Variants in CD33 observed in about 807,000 individuals in gnomAD.
The protein encoded by CD33 is CD33 molecule.
A neutral mutation model predicts 31.4 loss-of-function variants in CD33; 25 were observed. The observed-to-expected ratio is 0.80, with a 90% CI of 0.58 to 1.11. The LOEUF (loss-of-function observed/expected upper bound fraction) is 1.11. Among genes scored for constraint, CD33 ranks in the 50% most tolerant of loss-of-function variants. The probability of loss-of-function intolerance (pLI) is 0.00; values close to 1 mark genes in which losing one functional copy is unlikely to be tolerated. For missense variants in CD33, 407 were observed against 448.1 expected, an observed-to-expected ratio of 0.91 and a Z score of 0.83; for synonymous variants, 176 against 180.6, an observed-to-expected ratio of 0.97 and a Z score of 0.20.
chr19:51,230,575 T>C (rs911102652), intron 4 of CD33, among the ~76,000 whole-genome samples: 2 of 152,178 alleles, frequency 1.3e-5, no homozygotes, highest in Non-Finnish European at 2.9e-5. Context: ...AGTTGTTATA[T>C]TATAGTGCTG....
At chr19:51,222,544 T>C (rs1980732265), upstream of CD33, among the ~76,000 whole-genome samples, 1 of 152,222 alleles carries the variant, frequency 6.6e-6, no homozygotes, top group Admixed American at 6.5e-5. Flanking sequence ...CAATATCACA[T>C]TTTGAAATAC....
At chr19:51,214,473 G>T in the CD33 span, among the ~76,000 whole-genome samples, 3 of 152,154 alleles carry the variant, frequency 2.0e-5, no homozygotes, top group Non-Finnish European at 4.4e-5. Context: ...TGGGATTACA[G>T]GCGTGAGCCA....
rs376172530 is a variant in CD33 at position 51,225,839 on chromosome 19, C to T, written c.455C>T (p.Thr152Ile). 2.5e-5 allele frequency: 41 copies of T among 1,613,936 alleles called. No individual in the cohort carries two copies. The East Asian group carries it at 4.9e-4, about 19-fold the overall frequency. Residue 152 changes from threonine to isoleucine, a missense_variant, in exon 3 of 7, where the codon ACT becomes ATT. Transcript: ENST00000262262. ...AGGCCCAAAATCCTCATCCCTGGCACTCTAGAACCCGGCCACTCCAAAAAC... is the reference window on the plus strand; with the variant it reads ...AGGCCCAAAATCCTCATCCCTGGCATTCTAGAACCCGGCCACTCCAAAAAC... ...THRPKILIPG[T>I]LEPGHSKNLT...
the CD33 span, among the ~76,000 whole-genome samples, chr19:51,217,165 A>T: frequency 6.6e-6 from 1 of 152,180 alleles, no homozygotes; most frequent in Non-Finnish European, 1.5e-5. Flanking sequence ...AGGCACCTAC[A>T]GACAGACTGG....
chr19:51,235,281 G>A, intron 5 of CD33, 28 bp downstream of exon 5: 5 of 1,587,024 alleles, frequency 3.2e-6, no homozygotes, highest in African/African-American at 1.3e-5. Context: ...GTCAGGCATG[G>A]GCCAGAGGTG....
chr19:51,228,039 A>G (rs1227339438), intron 4 of CD33, among the ~76,000 whole-genome samples: 1 of 152,142 alleles, frequency 6.6e-6, no homozygotes. Flanking sequence ...ATCGTGGATT[A>G]ATTTCGGTGT....
intron 4 of CD33, among the ~76,000 whole-genome samples, chr19:51,232,880 G>C (rs1057188642): frequency 2.6e-5 from 4 of 152,196 alleles, no homozygotes; most frequent in African/African-American, 9.7e-5. Context: ...TGGCTGTTTT[G>C]CAGGGCTGAG....
In CD33 at chr19:51,235,974, T is replaced by C. The variant is rs369921773; in HGVS notation, c.924+298T>C. ...GAGATTGAGACTATCCTGGCTAACATGGTGAAACCCCGTCTCTACTAAAAA... is the reference window on the plus strand; with the variant it reads ...GAGATTGAGACTATCCTGGCTAACACGGTGAAACCCCGTCTCTACTAAAAA... On this transcript the variant is annotated intron_variant, in intron 6 of 6. Coordinates refer to ENST00000262262, the MANE Select transcript of CD33 (RefSeq NM_001772.4). 900 of 660,878 alleles carry C rather than the reference T, an allele frequency of 1.4e-3. 6 individuals carry two copies. Among genetic ancestry groups the C allele is most frequent in the South Asian group, 5.0e-3 (319 of 63,316 alleles). The allele number at this position is 660,878 out of a possible 1,614,324, so 40.9% of individuals were successfully genotyped here. A position where few individuals can be genotyped will look rare whatever the true frequency, so the allele number is the denominator to read the frequency against.
rs1259207646 is a variant in CD33, at chr19:51,239,653, A to T, written c.1060A>T (p.Thr354Ser). The T allele has an allele frequency of 6.2e-7, 1 of 1,612,904 alleles. No homozygotes were observed. The highest frequency in any genetic ancestry group is 1.3e-5 in the African/African-American group (1 of 74,822). ...TCATGGGATGAATCCTTCCAAGGAC[A>T]CCTCCACCGAATACTCAGAGGTCAG... ...NFHGMNPSKD[T>S]STEYSEVRTQ Residue 354 changes from threonine to serine, a missense_variant, in exon 7 of 7, where the codon ACC (threonine) becomes TCC (serine). Physicochemically the swap from Thr to Ser is moderately conservative, Grantham distance 58. Coordinates refer to ENST00000262262, the MANE Select transcript of CD33 (RefSeq NM_001772.4).
chr19:51,223,345 A>G (rs1980779874), upstream of CD33, among the ~76,000 whole-genome samples: 1 of 152,220 alleles, frequency 6.6e-6, no homozygotes, highest in East Asian at 1.9e-4. Context: ...GGATGCAGCT[A>G]CCTCTCTATT....
chr19:51,214,502 T>C, the CD33 span, among the ~76,000 whole-genome samples: 1 of 152,228 alleles, frequency 6.6e-6, no homozygotes, highest in Non-Finnish European at 1.5e-5. Flanking sequence ...GGCCTCATTT[T>C]TCTTATTTAA....
intron 3 of CD33, 76 bp downstream of exon 3, chr19:51,226,157 G>A: frequency 6.4e-7 from 1 of 1,554,334 alleles, no homozygotes; most frequent in Non-Finnish European, 8.8e-7. Context: ...GGGACATTTA[G>A]TGTCCTGGAG....
chr19:51,232,920 GGT>G (rs1188160235), intron 4 of CD33, among the ~76,000 whole-genome samples: 1 of 152,188 alleles, frequency 6.6e-6, no homozygotes, highest in Non-Finnish European at 1.5e-5. Context: ...GGCTGGCCTA[GGT>G]GTGTTTTTGC....
At chr19:51,212,852 C>CA in the CD33 span, among the ~76,000 whole-genome samples, 1 of 152,234 alleles carries the variant, frequency 6.6e-6, no homozygotes, top group South Asian at 2.1e-4. Context: ...CATTTGGCAG[C>CA]AACAGCATAG....
chr19:51,234,083 A>G (rs976360359), intron 4 of CD33, among the ~76,000 whole-genome samples: 2 of 152,046 alleles, frequency 1.3e-5, no homozygotes, highest in African/African-American at 4.8e-5. Context: ...TTTGTTTCAC[A>G]GCAAAATTGA....
chr19:51,223,443 A>G (rs1296979105), upstream of CD33, among the ~76,000 whole-genome samples: 2 of 152,170 alleles, frequency 1.3e-5, no homozygotes, highest in African/African-American at 4.8e-5. Flanking sequence ...TGTCCCAGGG[A>G]TCAACGGTTT....
Position 51,225,537 on chromosome 19 carries a change from G to A in CD33, c.357G>A (p.Arg119=), listed in dbSNP as rs754983729. The A allele has an allele frequency of 6.3e-5, 101 of 1,597,544 alleles. No homozygotes were observed. Among genetic ancestry groups the A allele is most frequent in the Non-Finnish European group, 8.4e-5 (99 of 1,171,656 alleles). The stretch of plus-strand genomic sequence containing the variant: ...GGGATAATGGTTCATACTTCTTTCG[G>A]ATGGAGAGAGGAAGTACCAAATACA... ...RRRDNGSYFF[R]MERGSTKYSY... Residue 119 remains arginine, a synonymous_variant, in exon 2 of 7, where the codon CGG becomes CGA. Transcript: ENST00000262262.
At chr19:51,226,197 A>G in intron 3 of CD33, 112 bp from the exon 4 acceptor site, 1 of 1,503,710 alleles carries the variant, frequency 6.7e-7, no homozygotes, top group Middle Eastern at 1.7e-4. Flanking sequence ...CCAGAAGGAC[A>G]TGAGCCCTGT....
At chr19:51,218,355 C>T in the CD33 span, among the ~76,000 whole-genome samples, 5 of 152,270 alleles carry the variant, frequency 3.3e-5, no homozygotes, top group East Asian at 9.6e-4. Flanking sequence ...ATGTCTTTTG[C>T]CCACTATTTA....
Sources: allele counts gnomAD v4.1 joint callset (sites outside exome capture counted in the v4.1 genomes callset), GRCh38; gene constraint gnomAD v4.1.1; transcripts MANE v1.5; gene names NCBI Gene and HGNC (gene_info 2026-07-23, HGNC 2026-07-21).